ADAMTSL1: variants seen among roughly 807,000 people sequenced by gnomAD.
ADAMTSL1 encodes ADAMTS-like protein 1.
ADAMTSL1 carries 126 observed loss-of-function variants against 201.8 expected under a neutral mutation model. The ratio of observed to expected loss-of-function variants is 0.62; its 90% CI spans 0.54 to 0.72. ADAMTSL1 has a LOEUF of 0.72. ADAMTSL1 is among the 30% of genes least tolerant of loss of function. ADAMTSL1 has a pLI of 0.00. For synonymous variants in ADAMTSL1, 1,121 were observed against 903.4 expected (o/e 1.24, Z -4.32); for missense variants, 2,679 against 2,277.8 (o/e 1.18, Z -3.59).
intron 1 of ADAMTSL1, among the ~76,000 whole-genome samples, chr9:18,060,827 A>G (rs915810498): frequency 3.3e-5 from 5 of 152,196 alleles, no homozygotes; most frequent in African/African-American, 7.2e-5. Context: ...CATATTCAGT[A>G]TATATACACA....
intron 2 of ADAMTSL1, among the ~76,000 whole-genome samples, chr9:18,218,191 T>TA (rs1337838252): frequency 1.3e-5 from 2 of 152,210 alleles, no homozygotes; most frequent in African/African-American, 4.8e-5. Context: ...AAGATCCAAA[T>TA]ATTGTAAATG....
intron 1 of ADAMTSL1, among the ~76,000 whole-genome samples, chr9:18,492,019 T>C (rs1169247908): frequency 1.3e-5 from 2 of 152,204 alleles, no homozygotes; most frequent in African/African-American, 2.4e-5. Flanking sequence ...CATGGCTTGA[T>C]TGATGTAGTT....
At chr9:17,952,917 C>CCCCCCTCCTCCTCCTCCTCCTCCTCCT (rs1827784414) in intron 1 of ADAMTSL1, among the ~76,000 whole-genome samples, 1 of 145,994 alleles carries the variant, frequency 6.8e-6, no homozygotes, top group African/African-American at 2.6e-5. Flanking sequence ...TTCCTCCTTT[C>CCCCCCTCCTCCTCCTCCTCCTCCTCCT]CCTCCTCCTC....
At chr9:17,927,537 A>G (rs1245863595) in intron 1 of ADAMTSL1, among the ~76,000 whole-genome samples, 3 of 152,010 alleles carry the variant, frequency 2.0e-5, no homozygotes, top group Non-Finnish European at 4.4e-5. Flanking sequence ...TGGGACCTGC[A>G]TCTGTGAATT....
At chr9:18,565,629 G>T (rs1336875098) in intron 3 of ADAMTSL1, among the ~76,000 whole-genome samples, 1 of 150,368 alleles carries the variant, frequency 6.7e-6, no homozygotes, top group Non-Finnish European at 1.5e-5. Flanking sequence ...AGCCAAGAAC[G>T]GCCTTTACCT....
chr9:18,224,083 C>T (rs1830357233), intron 2 of ADAMTSL1, among the ~76,000 whole-genome samples: 1 of 152,072 alleles, frequency 6.6e-6, no homozygotes, highest in African/African-American at 2.4e-5. Context: ...CATGCCCAGT[C>T]CTTAGAAGCC....
intron 20 of ADAMTSL1, among the ~76,000 whole-genome samples, chr9:18,803,422 C>T (rs182240559): frequency 6.6e-6 from 1 of 152,212 alleles, no homozygotes; most frequent in East Asian, 1.9e-4. Flanking sequence ...CATGATTAGA[C>T]TGGGCCTACC....
At chr9:18,411,728 A>G (rs1025692289) in intron 2 of ADAMTSL1, among the ~76,000 whole-genome samples, 2 of 152,194 alleles carry the variant, frequency 1.3e-5, no homozygotes, top group African/African-American at 2.4e-5. Context: ...TGTATTTAAA[A>G]GCAAATCTTA....
In ADAMTSL1 at chr9:18,722,765, A is replaced by T. The variant is rs140671081; in HGVS notation, c.2006+1100A>T. 5.5e-3 allele frequency among the ~76,000 whole-genome samples: 843 copies of T among 152,308 alleles called. 4 individuals are homozygous for T. Among genetic ancestry groups the T allele is most frequent in the Non-Finnish European group, 4.4e-3 (302 of 68,016 alleles). On this transcript the variant is annotated intron_variant, in intron 15 of 28. Transcript: ENST00000380548. The stretch of plus-strand genomic sequence containing the variant: ...AAGTTAAGAGGGCAACTCATGCTAT[A>T]TTCTCCAAGGCAACCATAAAATCAG...
intron 1 of ADAMTSL1, among the ~76,000 whole-genome samples, chr9:18,485,167 G>A (rs78078264): frequency 0.01 from 1,560 of 152,210 alleles, 25 homozygotes; most frequent in African/African-American, 0.035. Flanking sequence ...TCACTCAGTC[G>A]GTAGGGGAAG....
At chr9:18,458,946 T>G (rs1040352493) in intron 2 of ADAMTSL1, among the ~76,000 whole-genome samples, 5 of 152,198 alleles carry the variant, frequency 3.3e-5, no homozygotes, top group African/African-American at 4.8e-5. Context: ...TAAAAAACAG[T>G]ATTTGCTGCC....
intron 4 of ADAMTSL1, among the ~76,000 whole-genome samples, chr9:18,588,345 TTA>T (rs59601434): frequency 0.014 from 2,058 of 152,290 alleles, 44 homozygotes; most frequent in African/African-American, 0.04. Flanking sequence ...GTTGAGCTCC[TTA>T]TATACTCTGG....
At chr9:18,177,284 G>C (rs35543738) in intron 2 of ADAMTSL1, among the ~76,000 whole-genome samples, 30,976 of 152,106 alleles carry the variant, frequency 0.2, 3,288 homozygotes, top group East Asian at 0.24. Context: ...CTATGGTGTT[G>C]TGTGCTGGAC....
chr9:18,714,589 A>T (rs1340332380), intron 14 of ADAMTSL1, among the ~76,000 whole-genome samples: 1 of 143,588 alleles, frequency 7.0e-6, no homozygotes, highest in Non-Finnish European at 1.6e-5. Context: ...CAGGATCTGA[A>T]ATTGTGGCAA....
At chr9:18,219,361 T>G (rs1287871952) in intron 2 of ADAMTSL1, among the ~76,000 whole-genome samples, 1 of 150,392 alleles carries the variant, frequency 6.6e-6, no homozygotes, top group Non-Finnish European at 1.5e-5. Context: ...ATTTATTTAT[T>G]TATTTATTTA....
intron 1 of ADAMTSL1, among the ~76,000 whole-genome samples, chr9:17,955,893 T>G (rs963863915): frequency 3.9e-5 from 6 of 152,214 alleles, no homozygotes; most frequent in Non-Finnish European, 8.8e-5. Flanking sequence ...CTCCTGGGGA[T>G]AAAGTGGGAC....
chr9:18,406,994 C>A (rs1587099947), intron 2 of ADAMTSL1, among the ~76,000 whole-genome samples: 1 of 152,204 alleles, frequency 6.6e-6, no homozygotes, highest in East Asian at 1.9e-4. Context: ...TGTATTCATC[C>A]AACAAACATT....
At chr9:18,416,465 AAGAT>A (rs1818680521) in intron 2 of ADAMTSL1, among the ~76,000 whole-genome samples, 1 of 152,042 alleles carries the variant, frequency 6.6e-6, no homozygotes, top group Non-Finnish European at 1.5e-5. Context: ...ATCCAATTGA[AAGAT>A]AGAGATTGTC....
chr9:18,784,315 A>G (rs189035571), intron 19 of ADAMTSL1, among the ~76,000 whole-genome samples: 4 of 152,226 alleles, frequency 2.6e-5, no homozygotes, highest in Non-Finnish European at 4.4e-5. Context: ...TCAAGGGCCT[A>G]TATTTAAGAA....
Sources: gnomAD v4.1 joint callset for allele counts (sites outside exome capture counted in the v4.1 genomes callset) on GRCh38, gnomAD v4.1.1 for gene constraint, MANE v1.5 for transcripts, NCBI Gene and HGNC (gene_info 2026-07-23, HGNC 2026-07-21) for gene names.